The following ZNF608 variants were observed in gnomAD, a reference collection of about 807,000 sequenced individuals.
ZNF608 encodes the protein renal carcinoma antigen NY-REN-36.
A neutral mutation model predicts 109.0 loss-of-function variants in ZNF608; 12 were observed. The ratio of observed to expected loss-of-function variants is 0.11; its 90% CI spans 0.07 to 0.18. ZNF608 has a LOEUF of 0.18. Ranked by LOEUF, ZNF608 falls within the 10% of genes least tolerant of loss-of-function variation. The pLI, the probability that ZNF608 is intolerant of heterozygous loss-of-function variation, is 1.00. For missense variants in ZNF608, 1,707 were observed against 1,879.3 expected (o/e 0.91, Z 1.70); for synonymous variants, 732 against 717.4 (o/e 1.02, Z -0.33).
chr5:124,745,282 G>A (rs1336012771), intron 1 of ZNF608, 110 bp from the exon 2 acceptor site: 2 of 998,678 alleles, frequency 2.0e-6, no homozygotes, highest in African/African-American at 1.7e-5. Flanking sequence ...TGGAGAGTAA[G>A]GTGGCTCATG....
At chr5:124,691,284 AAAG>A (rs1752617313) in intron 3 of ZNF608, among the ~76,000 whole-genome samples, 1 of 152,130 alleles carries the variant, frequency 6.6e-6, no homozygotes, top group South Asian at 2.1e-4. Flanking sequence ...AACAAAAAAA[AAAG>A]GTGAGGGCTG....
In ZNF608 at chr5:124,651,891, C is replaced by T. The variant is rs141133678; in HGVS notation, c.1163-2194G>A. Among the ~76,000 whole-genome samples the T allele has an allele frequency of 2.7e-3, 408 of 152,360 alleles. 1 individual carries two copies. Among genetic ancestry groups the T allele is most frequent in the Middle Eastern group, 6.8e-3 (2 of 294 alleles). On this transcript the variant is annotated intron_variant, in intron 3 of 9. Transcript: ENST00000513986. ...CCGTGCGGGGCTAGAGGGCCGCCTG[C>T]GCTGCTCGGCTCCCTCGGTGCACGC...
Position 124,647,010 on chromosome 5 carries a change from C to T in ZNF608, c.3374G>A (p.Gly1125Glu). ...GAGCTCACTTTTCCTTTCACAGTCT[C>T]CTCTCCCAGTCTGGGCCATTTTCTG... ...AEQKMAQTGR[G>E]DCERKSELPL... The change falls in exon 5 of 10, where the codon GGA (glycine) becomes GAA (glutamate). Residue 1125 changes from glycine (G) to glutamate (E), a missense_variant. By Grantham distance (98) the Gly-to-Glu change is moderately conservative (BLOSUM62 -2). Transcript: ENST00000513986. 1.2e-6 allele frequency: 2 copies of T among 1,614,112 alleles called. No individual in the cohort carries two copies. Among genetic ancestry groups the T allele is most frequent in the East Asian group, 2.2e-5 (1 of 44,880 alleles).
chr5:124,735,340 T>A (rs1284166386), intron 2 of ZNF608, among the ~76,000 whole-genome samples: 1 of 146,400 alleles, frequency 6.8e-6, no homozygotes, highest in African/African-American at 2.5e-5. Flanking sequence ...CATAAACGGG[T>A]CCCTGGCGGG....
intron 1 of ZNF608, 54 bp downstream of exon 1, chr5:124,746,141 A>T (rs560401943): frequency 1.6e-5 from 16 of 985,300 alleles, no homozygotes; most frequent in Non-Finnish European, 1.9e-5. Context: ...TGTCAAGAAA[A>T]AAATAAATAA....
At chr5:124,693,776 C>T (rs1752710837) in intron 3 of ZNF608, among the ~76,000 whole-genome samples, 1 of 152,048 alleles carries the variant, frequency 6.6e-6, no homozygotes, top group Admixed American at 6.5e-5. Flanking sequence ...TGCATTCCCT[C>T]ATCGGGAAAG....
intron 3 of ZNF608, chr5:124,666,367 A>C (rs1337553567): frequency 6.6e-6 from 1 of 152,206 alleles, no homozygotes; most frequent in East Asian, 1.9e-4. Flanking sequence ...ACTGGATGCA[A>C]TCCATGTCCT....
At chr5:124,740,510 T>TG (rs1554094018) in intron 2 of ZNF608, among the ~76,000 whole-genome samples, 3 of 53,782 alleles carry the variant, frequency 5.6e-5, no homozygotes, top group Admixed American at 2.4e-4. Context: ...ACACTATATT[T>TG]GAAAAAAAAA....
chr5:124,661,866 C>T (rs992033559), intron 3 of ZNF608, among the ~76,000 whole-genome samples: 1 of 152,156 alleles, frequency 6.6e-6, no homozygotes, highest in Non-Finnish European at 1.5e-5. Flanking sequence ...AATTCCTCTC[C>T]GATATTTGTA....
chr5:124,736,327 T>A (rs1443834787), intron 2 of ZNF608, among the ~76,000 whole-genome samples: 1 of 152,206 alleles, frequency 6.6e-6, no homozygotes, highest in Admixed American at 6.5e-5. Flanking sequence ...AACCCAAGGC[T>A]TCAACCCTTC....
At position 124,745,093 on chromosome 5, in the gene ZNF608, T is replaced by A. The variant is rs1279387984; in HGVS notation, c.-104A>T. On this transcript the variant is annotated 5_prime_UTR_variant, in exon 2 of 10. Transcript: ENST00000513986. ...GGCTTTCTCTCAAAGAAAAAAAAAATCTTCTAATCTTCCTCTTCTTTTTCC... is the reference window on the plus strand; with the variant it reads ...GGCTTTCTCTCAAAGAAAAAAAAAAACTTCTAATCTTCCTCTTCTTTTTCC... The A allele has an allele frequency of 3.4e-6, 5 of 1,463,168 alleles. No individual in the cohort carries two copies. The highest frequency in any genetic ancestry group is 4.5e-6 in the Non-Finnish European group (5 of 1,116,928). 90.6% of individuals were successfully genotyped at this position (1,463,168 alleles called of 1,614,324 possible).
chr5:124,713,944 C>CCTAGGAGT (rs374873755), intron 2 of ZNF608, among the ~76,000 whole-genome samples: 136 of 152,196 alleles, frequency 8.9e-4, no homozygotes, highest in African/African-American at 3.1e-3. Context: ...CTTAAAAAAA[C>CCTAGGAGT]CTAGGAGTCA....
rs1750108284 is a variant in ZNF608 at position 124,638,973 on chromosome 5, T to C, written c.4532+160A>G. The C allele has an allele frequency of 6.0e-6, 5 of 828,520 alleles. No homozygotes were observed. The South Asian group carries it at 7.2e-5, about 12-fold the overall frequency. 51.3% of individuals were successfully genotyped at this position (828,520 alleles called of 1,614,324 possible). On this transcript the variant is annotated intron_variant, in intron 9 of 9. Coordinates refer to ENST00000513986, the MANE Select transcript of ZNF608 (RefSeq NM_020747.3). Reference sequence around the variant, plus strand: ...CAGAATGAGGTTCATGGAATTTAAGTTGCATGTGAAGCAACTTATATTGGC... The same window carrying C: ...CAGAATGAGGTTCATGGAATTTAAGCTGCATGTGAAGCAACTTATATTGGC...
chr5:124,662,812 G>GAAAC (rs1554084535), intron 3 of ZNF608, among the ~76,000 whole-genome samples: 13 of 150,882 alleles, frequency 8.6e-5, no homozygotes, highest in African/African-American at 3.2e-4. Flanking sequence ...CAGACACACA[G>GAAAC]ACACACACAC....
At chr5:124,663,408 G>A (rs1191482541) in intron 3 of ZNF608, among the ~76,000 whole-genome samples, 1 of 152,170 alleles carries the variant, frequency 6.6e-6, no homozygotes, top group Non-Finnish European at 1.5e-5. Context: ...CTACCACACA[G>A]CATGCACAAA....
chr5:124,738,675 C>A (rs1435065654), intron 2 of ZNF608, among the ~76,000 whole-genome samples: 1 of 152,186 alleles, frequency 6.6e-6, no homozygotes, highest in Non-Finnish European at 1.5e-5. Context: ...CAAATCACTG[C>A]ACAATATCTT....
intron 2 of ZNF608, among the ~76,000 whole-genome samples, chr5:124,711,153 C>T (rs1753472800): frequency 6.6e-6 from 1 of 152,218 alleles, no homozygotes; most frequent in African/African-American, 2.4e-5. Flanking sequence ...CAAAAAAAAG[C>T]TGCTTGCTCA....
chr5:124,689,371 C>T (rs1271044725), intron 3 of ZNF608, among the ~76,000 whole-genome samples: 1 of 151,414 alleles, frequency 6.6e-6, no homozygotes, highest in African/African-American at 2.4e-5. Flanking sequence ...AGTATAGCTT[C>T]AGTCAAAAAG....
chr5:124,643,424 C>G, intron 7 of ZNF608, 87 bp downstream of exon 7: 1 of 1,349,182 alleles, frequency 7.4e-7, no homozygotes, highest in South Asian at 1.4e-5. Flanking sequence ...GGTTCCGAAA[C>G]CATTTATATT....
Sources: gnomAD v4.1 joint callset for allele counts (sites outside exome capture counted in the v4.1 genomes callset) on GRCh38, gnomAD v4.1.1 for gene constraint, MANE v1.5 for transcripts, NCBI Gene and HGNC (gene_info 2026-07-23, HGNC 2026-07-21) for gene names.